Variants in BFSP1 observed in about 807,000 individuals in gnomAD.
BFSP1 encodes filensin.
BFSP1 carries 38 observed loss-of-function variants against 43.9 expected under a neutral mutation model. The ratio of observed to expected loss-of-function variants is 0.87; its 90% CI spans 0.67 to 1.14. BFSP1 has a LOEUF of 1.14. Among genes scored for constraint, BFSP1 ranks in the 50% most tolerant of loss-of-function variants. The pLI is 0.00. For missense variants in BFSP1, 850 were observed against 875.1 expected (o/e 0.97, Z 0.36); for synonymous variants, 352 against 354.8 (o/e 0.99, Z 0.09).
chr20:17,524,521 T>A lies in BFSP1; in HGVS notation c.438+327A>T, dbSNP rs183798880. ...CAAATAACCACTGCCCAAAGCAAGGTCCTTCCTAAATTTGGTGTTGGGCAT... is the reference window on the plus strand; with the variant it reads ...CAAATAACCACTGCCCAAAGCAAGGACCTTCCTAAATTTGGTGTTGGGCAT... On this transcript the variant is annotated intron_variant, in intron 2 of 7. Coordinates refer to ENST00000377873, the MANE Select transcript of BFSP1 (RefSeq NM_001195.5). Among the ~76,000 whole-genome samples the A allele has an allele frequency of 7.5e-3, 1,149 of 152,270 alleles. 7 individuals are homozygous for A. The highest frequency in any genetic ancestry group is 0.015 in the South Asian group (72 of 4,816).
chr20:17,515,165 A>G (rs1412311336), intron 2 of BFSP1, among the ~76,000 whole-genome samples: 1 of 152,166 alleles, frequency 6.6e-6, no homozygotes, highest in African/African-American at 2.4e-5. Flanking sequence ...AATACACAGG[A>G]CAGCATCCCC....
At chr20:17,546,217 T>A (rs889349513) in intron 1 of BFSP1, among the ~76,000 whole-genome samples, 6 of 152,290 alleles carry the variant, frequency 3.9e-5, no homozygotes, top group African/African-American at 4.8e-5. Context: ...GAAGCAGGCA[T>A]GTCTTACATT....
At chr20:17,506,643 G>A (rs1221424270) in intron 5 of BFSP1, among the ~76,000 whole-genome samples, 2 of 151,020 alleles carry the variant, frequency 1.3e-5, no homozygotes, top group Non-Finnish European at 2.9e-5. Flanking sequence ...TCCCATGTCA[G>A]CTTCCTAAGT....
At chr20:17,551,808 C>T (rs1015186809) in intron 1 of BFSP1, among the ~76,000 whole-genome samples, 2 of 151,852 alleles carry the variant, frequency 1.3e-5, no homozygotes, top group East Asian at 1.9e-4. Context: ...CATGGTGAAA[C>T]CTCGTCTCTA....
At chr20:17,528,784 A>G (rs2034473167) in intron 1 of BFSP1, among the ~76,000 whole-genome samples, 1 of 152,190 alleles carries the variant, frequency 6.6e-6, no homozygotes, top group Admixed American at 6.5e-5. Flanking sequence ...GAATCGAATC[A>G]ATAAATGTGA....
intron 1 of BFSP1, among the ~76,000 whole-genome samples, chr20:17,547,903 T>C (rs1047693475): frequency 6.9e-6 from 1 of 144,948 alleles, no homozygotes; most frequent in Non-Finnish European, 1.5e-5. Flanking sequence ...GCCAATTTTT[T>C]TTTTTTTTTT....
intron 1 of BFSP1, among the ~76,000 whole-genome samples, chr20:17,553,828 TATATATATACACATATATATAC>T (rs1464837976): frequency 1.6e-4 from 17 of 104,018 alleles, no homozygotes; most frequent in East Asian, 2.8e-4. Context: ...CACACACATA[TATATATATACACATATATATAC>T]ATATATATAC....
At position 17,517,359 on chromosome 20, in the gene BFSP1, C is replaced by CA. The variant is rs1341108304; in HGVS notation, c.439-2544dup. On this transcript the variant is annotated intron_variant, in intron 2 of 7. Coordinates refer to ENST00000377873, the MANE Select transcript of BFSP1 (RefSeq NM_001195.5). Reference sequence around the variant, plus strand: ...GAACTAACAAACAAAACAAAACAAACAAACAAACAAAATCATTTCCTTTTG... The same window carrying CA: ...GAACTAACAAACAAAACAAAACAAACAAAACAAACAAAATCATTTCCTTTTG... The CA allele has an allele frequency of 3.1e-6, 3 of 966,162 alleles. No homozygotes were observed. The African/African-American group carries it at 4.8e-5, about 15-fold the overall frequency. 59.8% of individuals were successfully genotyped at this position (966,162 alleles called of 1,614,324 possible).
chr20:17,551,834 C>T lies in BFSP1; in HGVS notation c.2+6854G>A, dbSNP rs1396803654. Reference sequence around the variant, plus strand: ...CTCGTCTCTACTAAAAATACAAAAACATTAGCTGGGCATGGTGGCGGGCAC... The same window carrying T: ...CTCGTCTCTACTAAAAATACAAAAATATTAGCTGGGCATGGTGGCGGGCAC... On this transcript the variant is annotated intron_variant, in intron 1 of 7. Transcript: ENST00000377868. 2.0e-5 allele frequency among the ~76,000 whole-genome samples: 3 copies of T among 151,768 alleles called. No homozygotes were observed. The South Asian group carries it at 6.2e-4, about 32-fold the overall frequency.
chr20:17,538,062 C>T (rs1219165057), intron 1 of BFSP1, among the ~76,000 whole-genome samples: 1 of 151,174 alleles, frequency 6.6e-6, no homozygotes, highest in African/African-American at 2.4e-5. Flanking sequence ...CAGAGGTTGC[C>T]GTGAGCCAAG....
Position 17,508,760 on chromosome 20 carries a change from G to A in BFSP1, c.735+129C>T, listed in dbSNP as rs184834042. The A allele has an allele frequency of 3.1e-4, 294 of 939,734 alleles. 1 individual carries two copies. The East Asian group carries it at 8.2e-3, about 26-fold the overall frequency. The allele number at this position is 939,734 out of a possible 1,614,324, so 58.2% of individuals were successfully genotyped here. ...CTTGGCCACCCACTCAGAAAACCCC[G>A]TTTCTGCCAGGAACATAGGATATGT... On this transcript the variant is annotated intron_variant, in intron 5 of 7. Transcript: ENST00000377873.
chr20:17,503,851 T>C (rs2033863778), intron 5 of BFSP1, among the ~76,000 whole-genome samples: 2 of 152,218 alleles, frequency 1.3e-5, no homozygotes, highest in Admixed American at 6.5e-5. Context: ...GTGTGAGCCA[T>C]GCAGAGACCT....
chr20:17,567,764 G>A (rs541131446), intron 1 of BFSP1, among the ~76,000 whole-genome samples: 5 of 152,020 alleles, frequency 3.3e-5, no homozygotes, highest in Non-Finnish European at 7.4e-5. Context: ...GGGAGGTTGA[G>A]GCAGGAGAAT....
chr20:17,560,399 C>T (rs528733594), upstream of BFSP1: 16 of 152,360 alleles, frequency 1.1e-4, no homozygotes, highest in African/African-American at 2.9e-4. Context: ...GATCCAGTAA[C>T]ATCTCCCTGG....
At position 17,525,298 on chromosome 20, in the gene BFSP1, G is replaced by C. The variant is rs534852036; in HGVS notation, c.378-390C>G. Among the ~76,000 whole-genome samples the C allele has an allele frequency of 2.6e-5, 4 of 152,174 alleles. No homozygotes were observed. Among genetic ancestry groups the C allele is most frequent in the African/African-American group, 9.7e-5 (4 of 41,434 alleles). On this transcript the variant is annotated intron_variant, in intron 1 of 7. Transcript: ENST00000377873. This position sits in a 1 kb window ranked among gnomAD's most constrained non-coding sequence, Gnocchi z 4.2. Reference sequence around the variant, plus strand: ...GCACAATCTACACCACCATTAACCTGACCGTACTTGGATTTCCTATAGTAT... The same window carrying C: ...GCACAATCTACACCACCATTAACCTCACCGTACTTGGATTTCCTATAGTAT...
At chr20:17,504,360 A>G (rs2033879888) in intron 5 of BFSP1, among the ~76,000 whole-genome samples, 2 of 152,152 alleles carry the variant, frequency 1.3e-5, no homozygotes, top group Non-Finnish European at 2.9e-5. Context: ...CAGGAAAACC[A>G]GTAAGAGCTC....
upstream of BFSP1, chr20:17,531,414 A>C: frequency 2.4e-5 from 30 of 1,231,728 alleles, no homozygotes; most frequent in East Asian, 1.1e-4. Flanking sequence ...CTAAATAAAC[A>C]CCGGAGGCCC....
chr20:17,496,008 C>A (rs996994423), intron 7 of BFSP1, among the ~76,000 whole-genome samples: 1 of 152,112 alleles, frequency 6.6e-6, no homozygotes, highest in Non-Finnish European at 1.5e-5. Flanking sequence ...AACTGGTATG[C>A]GAGGAGGAGG....
At chr20:17,499,480 C>G (rs1377358783) in intron 5 of BFSP1, among the ~76,000 whole-genome samples, 1 of 140,818 alleles carries the variant, frequency 7.1e-6, no homozygotes, top group Non-Finnish European at 1.5e-5. Flanking sequence ...CTCCTGGCTT[C>G]AAGTGATCCT....
Sources: allele counts gnomAD v4.1 joint callset (sites outside exome capture counted in the v4.1 genomes callset), GRCh38; gene constraint gnomAD v4.1.1; non-coding constraint Gnocchi (gnomAD v3.1); transcripts MANE v1.5; gene names NCBI Gene and HGNC (gene_info 2026-07-23, HGNC 2026-07-21).